TSHZ2: variants seen among roughly 807,000 people sequenced by gnomAD.
TSHZ2 encodes the protein teashirt zinc finger homeobox 2, also known as teashirt homolog 2.
TSHZ2 carries 21 observed loss-of-function variants against 74.4 expected under a neutral mutation model. The ratio of observed to expected loss-of-function variants is 0.28; its 90% CI spans 0.20 to 0.41. The LOEUF is 0.41. Among genes scored for constraint, TSHZ2 ranks in the 10% least tolerant of loss-of-function variants. The probability of loss-of-function intolerance (pLI) is 1.00; values close to 1 mark genes in which losing one functional copy is unlikely to be tolerated. For missense variants in TSHZ2, 1,244 were observed against 1,293.5 expected, an observed-to-expected ratio of 0.96 and a Z score of 0.59; for synonymous variants, 540 against 515.3, an observed-to-expected ratio of 1.05 and a Z score of -0.65.
chr20:53,015,093 C>G (rs1480933827), intron 1 of TSHZ2, among the ~76,000 whole-genome samples: 1 of 152,136 alleles, frequency 6.6e-6, no homozygotes, highest in Non-Finnish European at 1.5e-5. Flanking sequence ...CCATTCTGTC[C>G]TCTCAGTTTT....
At chr20:53,031,763 C>T (rs2123064689) in intron 1 of TSHZ2, among the ~76,000 whole-genome samples, 1 of 152,308 alleles carries the variant, frequency 6.6e-6, no homozygotes, top group East Asian at 1.9e-4. Flanking sequence ...ATATTTTCAG[C>T]TCTTGCATTC....
intron 1 of TSHZ2, among the ~76,000 whole-genome samples, chr20:53,075,460 T>G (rs1467173159): frequency 6.6e-6 from 1 of 152,164 alleles, no homozygotes; most frequent in African/African-American, 2.4e-5. Context: ...GAAGGGGATT[T>G]GAAGTCAGAT....
intron 1 of TSHZ2, among the ~76,000 whole-genome samples, chr20:53,042,620 A>T (rs1318069900): frequency 6.6e-6 from 1 of 151,542 alleles, no homozygotes; most frequent in Non-Finnish European, 1.5e-5. Context: ...CACTTCAGAA[A>T]GTGAAAGTCA....
At chr20:53,319,852 A>G (rs1236853532) in intron 2 of TSHZ2, among the ~76,000 whole-genome samples, 8 of 152,222 alleles carry the variant, frequency 5.3e-5, no homozygotes, top group Non-Finnish European at 1.2e-4. Context: ...TAACAGGACA[A>G]TTGCTTCTCT....
chr20:53,393,058 G>A (rs2145662688), intron 2 of TSHZ2, among the ~76,000 whole-genome samples: 1 of 152,188 alleles, frequency 6.6e-6, no homozygotes, highest in African/African-American at 2.4e-5. Context: ...TTAAACTCCT[G>A]GCCTCAAGTG....
intron 1 of TSHZ2, among the ~76,000 whole-genome samples, chr20:53,049,990 G>A (rs373410188): frequency 2.0e-5 from 3 of 151,240 alleles, no homozygotes; most frequent in East Asian, 2.0e-4. Context: ...GCTGAGGCAA[G>A]AGAATTGCTT....
chr20:52,972,549 TGA>T lies in TSHZ2; in HGVS notation c.-743_-742del. 2.6e-5 allele frequency: 4 copies of T among 153,128 alleles called. No individual in the cohort carries two copies. Among genetic ancestry groups the T allele is most frequent in the Non-Finnish European group, 5.8e-5 (4 of 68,522 alleles). 9.5% of individuals were successfully genotyped at this position (153,128 alleles called of 1,614,324 possible). On this transcript the variant is annotated 5_prime_UTR_variant, in exon 1 of 3. An upstream open reading frame in the 5' UTR gains an earlier in-frame stop. Transcript: ENST00000371497. ...CTGTGTGTGTGTCTGTGTGTGTGTG[TGA>T]GTGAGTGAATTCCAGATTTTCTGTC...
chr20:53,232,981 G>A (rs1490821946), intron 1 of TSHZ2, among the ~76,000 whole-genome samples: 4 of 152,002 alleles, frequency 2.6e-5, no homozygotes, highest in Non-Finnish European at 5.9e-5. Flanking sequence ...TATACTTACT[G>A]AAAGACTCTT....
chr20:53,091,500 A>G (rs1458884259), intron 1 of TSHZ2, among the ~76,000 whole-genome samples: 1 of 152,172 alleles, frequency 6.6e-6, no homozygotes, highest in African/African-American at 2.4e-5. Flanking sequence ...TACTACTTAA[A>G]TCCTTCATTT....
chr20:53,424,293 C>T (rs1298661890), intron 2 of TSHZ2, among the ~76,000 whole-genome samples: 1 of 152,218 alleles, frequency 6.6e-6, no homozygotes, highest in Non-Finnish European at 1.5e-5. Context: ...ATGTTCCCAG[C>T]ACTCGCTCCT....
chr20:53,309,247 T>G (rs986386410), intron 2 of TSHZ2, among the ~76,000 whole-genome samples: 2 of 152,170 alleles, frequency 1.3e-5, no homozygotes, highest in African/African-American at 4.8e-5. Context: ...GTCACACAGA[T>G]TGTTGGGCTA....
intron 1 of TSHZ2, among the ~76,000 whole-genome samples, chr20:53,243,402 A>G (rs925961499): frequency 2.6e-5 from 4 of 152,182 alleles, no homozygotes; most frequent in Non-Finnish European, 1.5e-5. Flanking sequence ...GTGTTGATGA[A>G]GAGATGAAAG....
chr20:53,443,542 A>G (rs937344585), intron 2 of TSHZ2, among the ~76,000 whole-genome samples: 1 of 152,226 alleles, frequency 6.6e-6, no homozygotes, highest in Non-Finnish European at 1.5e-5. Flanking sequence ...TCTTCCATCC[A>G]TGAGCCCTGG....
At chr20:53,069,711 G>A (rs1255086000) in intron 1 of TSHZ2, among the ~76,000 whole-genome samples, 4 of 89,720 alleles carry the variant, frequency 4.5e-5, no homozygotes, top group Non-Finnish European at 9.8e-5. Context: ...ACACACACAC[G>A]CTCAAGTTTC....
intron 1 of TSHZ2, among the ~76,000 whole-genome samples, chr20:53,229,194 A>G (rs1023723690): frequency 3.3e-5 from 5 of 151,918 alleles, no homozygotes; most frequent in Non-Finnish European, 7.4e-5. Flanking sequence ...GTAAATTGTA[A>G]TGAATGAGCC....
intron 2 of TSHZ2, among the ~76,000 whole-genome samples, chr20:53,409,422 T>C (rs1159405408): frequency 6.6e-6 from 1 of 152,146 alleles, no homozygotes; most frequent in Non-Finnish European, 1.5e-5. Context: ...TGTTTTGGCA[T>C]TGTGCCCTTA....
At position 53,204,410 on chromosome 20, in the gene TSHZ2, G is replaced by GATATGATACTATATCATAATATAATATT. The variant is rs1568811265; in HGVS notation, c.41-49087_41-49086insATGATACTATATCATAATATAATATTAT. Among the ~76,000 whole-genome samples the GATATGATACTATATCATAATATAATATT allele has an allele frequency of 3.1e-5, 4 of 128,516 alleles. 2 individuals are homozygous for GATATGATACTATATCATAATATAATATT. Among genetic ancestry groups the GATATGATACTATATCATAATATAATATT allele is most frequent in the African/African-American group, 1.3e-4 (4 of 29,710 alleles). The allele number at this position is 128,516 out of a possible 152,430, so 84.3% of individuals were successfully genotyped here. A position where few individuals can be genotyped will look rare whatever the true frequency, so the allele number is the denominator to read the frequency against. On this transcript the variant is annotated intron_variant, in intron 1 of 2. Coordinates refer to ENST00000371497, the MANE Select transcript of TSHZ2 (RefSeq NM_173485.6). ...ATGATACTATATCATCATATAACAT[G>GATATGATACTATATCATAATATAATATT]ATGATATGATACTATTATATCATAA...
chr20:53,079,204 G>T (rs190098305), intron 1 of TSHZ2, among the ~76,000 whole-genome samples: 2 of 152,314 alleles, frequency 1.3e-5, no homozygotes, highest in African/African-American at 2.4e-5. Context: ...TTTAGTAGAA[G>T]TCAGTAAGGT....
chr20:53,482,151 A>G (rs1986170381), intron 2 of TSHZ2, among the ~76,000 whole-genome samples: 1 of 149,858 alleles, frequency 6.7e-6, no homozygotes, highest in Admixed American at 6.7e-5. Flanking sequence ...ATACTCAGAT[A>G]TTCTTGGGAA....
Sources: allele counts gnomAD v4.1 joint callset (sites outside exome capture counted in the v4.1 genomes callset), GRCh38; gene constraint gnomAD v4.1.1; transcripts MANE v1.5; gene names NCBI Gene and HGNC (gene_info 2026-07-23, HGNC 2026-07-21).